The following SCFD1 variants were observed in gnomAD, a reference collection of about 807,000 sequenced individuals.
The protein encoded by SCFD1 is sec1 family domain containing 1, also known as sec1 family domain-containing protein 1.
Under a neutral mutation model 103.2 loss-of-function variants are expected in SCFD1, and 37 were observed. The ratio of observed to expected loss-of-function variants is 0.36; its 90% CI spans 0.28 to 0.47. SCFD1 has a LOEUF of 0.47. Among genes scored for constraint, SCFD1 ranks in the 20% least tolerant of loss-of-function variants. The pLI is 1.00. For missense variants in SCFD1, 639 were observed against 761.2 expected (o/e 0.84, Z 1.89); for synonymous variants, 264 against 245.0 (o/e 1.08, Z -0.73).
At chr14:30,731,634 C>CATGATTT (rs1490582028) in intron 23 of SCFD1, among the ~76,000 whole-genome samples, 9 of 152,152 alleles carry the variant, frequency 5.9e-5, no homozygotes. Flanking sequence ...GGAGTTCACT[C>CATGATTT]ATGATTTGGC....
At chr14:30,639,695 TGGTA>T (rs1406106760) in intron 5 of SCFD1, 78 bp from the exon 6 acceptor site, 3 of 1,352,644 alleles carry the variant, frequency 2.2e-6, no homozygotes, top group Non-Finnish European at 2.9e-6. Flanking sequence ...TTTCTACCAT[TGGTA>T]GGTTAGAGCA....
chr14:30,691,501 T>C (rs967125513), intron 14 of SCFD1, among the ~76,000 whole-genome samples: 3 of 152,232 alleles, frequency 2.0e-5, no homozygotes, highest in Non-Finnish European at 2.9e-5. Flanking sequence ...AGTTCTCTTA[T>C]GCAGGTTAGA....
Position 30,675,063 on chromosome 14 carries a change from A to C in SCFD1, c.1240A>C (p.Lys414Gln), listed in dbSNP as rs1249841645. Residue 414 changes from lysine to glutamine, a missense_variant and splice_region_variant, in exon 14 of 25, where the codon AAG (lysine) becomes CAG (glutamine). Physicochemically the swap from Lys to Gln is moderately conservative, Grantham distance 53. Transcript: ENST00000458591. Reference protein sequence around the residue: ...NVATAVLEHIKARKLDVYFEY... With the variant: ...NVATAVLEHIQARKLDVYFEY... ...TGCCACTGCTGTTTTAGAACATATA[A>C]AGGTAAATTTAACTTTTTCCCCCCC... 1 of 1,554,420 alleles carries C rather than the reference A, an allele frequency of 6.4e-7. No homozygotes were observed. Among genetic ancestry groups the C allele is most frequent in the Non-Finnish European group, 8.7e-7 (1 of 1,146,570 alleles).
intron 18 of SCFD1, among the ~76,000 whole-genome samples, 200 bp downstream of exon 18, chr14:30,706,085 T>C (rs1048139582): frequency 2.0e-5 from 3 of 152,086 alleles, no homozygotes; most frequent in African/African-American, 7.2e-5. Flanking sequence ...TAATTGTACA[T>C]ATTTATGGGG....
At chr14:30,684,489 T>C (rs1889771612) in intron 14 of SCFD1, among the ~76,000 whole-genome samples, 1 of 152,206 alleles carries the variant, frequency 6.6e-6, no homozygotes, top group Admixed American at 6.5e-5. Context: ...TGATATAATA[T>C]AAATTGAGGC....
chr14:30,713,376 ACG>A, intron 19 of SCFD1, among the ~76,000 whole-genome samples: 1 of 138,548 alleles, frequency 7.2e-6, no homozygotes, highest in African/African-American at 3.5e-5. Context: ...ACAAAAACAT[ACG>A]AAAGAGTTGT....
chr14:30,707,900 G>A (rs1322190297), intron 18 of SCFD1, 90 bp from the exon 19 acceptor site: 2 of 881,900 alleles, frequency 2.3e-6, no homozygotes, highest in Admixed American at 3.4e-5. Context: ...GCATCAGCAT[G>A]TGGTGTGTAA....
intron 14 of SCFD1, among the ~76,000 whole-genome samples, chr14:30,681,261 TTAAAAC>T (rs1889455502): frequency 6.7e-6 from 1 of 149,450 alleles, no homozygotes; most frequent in South Asian, 2.1e-4. Context: ...GTTGAATAAA[TTAAAAC>T]TAAGTGATTT....
At chr14:30,715,849 A>C (rs1892243808) in intron 19 of SCFD1, 75 bp from the exon 20 acceptor site, 6 of 762,794 alleles carry the variant, frequency 7.9e-6, no homozygotes, top group Non-Finnish European at 1.3e-5. Flanking sequence ...ACTTAACTGT[A>C]GAATGATCAG....
At chr14:30,672,648 C>T (rs1428064872) in intron 11 of SCFD1, among the ~76,000 whole-genome samples, 1 of 152,192 alleles carries the variant, frequency 6.6e-6, no homozygotes. Context: ...CTCATGATTG[C>T]AGATCACTTC....
intron 23 of SCFD1, among the ~76,000 whole-genome samples, chr14:30,728,992 A>C (rs1487546304): frequency 6.6e-6 from 1 of 151,944 alleles, no homozygotes; most frequent in African/African-American, 2.4e-5. Context: ...TTACAGGTGC[A>C]CACCACCATC....
intron 6 of SCFD1, 44 bp from the exon 7 acceptor site, chr14:30,643,272 A>T (rs775150348): frequency 8.4e-7 from 1 of 1,190,440 alleles, no homozygotes; most frequent in Non-Finnish European, 1.3e-6. Flanking sequence ...AAGATGAGGC[A>T]TAAGTTTGGG....
chr14:30,660,863 C>T (rs1338532063), intron 10 of SCFD1, among the ~76,000 whole-genome samples: 1 of 152,064 alleles, frequency 6.6e-6, no homozygotes, highest in Admixed American at 6.6e-5. Context: ...TGACATAACC[C>T]CATCAGTCTT....
chr14:30,674,022 G>C (rs1888797973), intron 13 of SCFD1, 25 bp downstream of exon 13: 1 of 1,558,026 alleles, frequency 6.4e-7, no homozygotes, highest in African/African-American at 1.4e-5. Flanking sequence ...TATCCTCTTT[G>C]AAGTCTTTCT....
chr14:30,728,221 A>G (rs60727186), intron 23 of SCFD1, among the ~76,000 whole-genome samples: 2,525 of 152,244 alleles, frequency 0.017, 92 homozygotes, highest in African/African-American at 0.057. Context: ...TTTGACACAC[A>G]TTCCATCATG....
intron 10 of SCFD1, among the ~76,000 whole-genome samples, chr14:30,666,920 A>C (rs1387928752): frequency 6.6e-6 from 1 of 152,136 alleles, no homozygotes. Context: ...ATAGCCTACC[A>C]ACCCAAAAAA....
chr14:30,651,661 T>A (rs1427562163), intron 9 of SCFD1, among the ~76,000 whole-genome samples: 2 of 152,078 alleles, frequency 1.3e-5, no homozygotes, highest in African/African-American at 4.8e-5. Context: ...GAAACCAGTA[T>A]AAAGGCACTG....
At chr14:30,658,802 A>G (rs988608234) in intron 10 of SCFD1, among the ~76,000 whole-genome samples, 7 of 152,212 alleles carry the variant, frequency 4.6e-5, no homozygotes, top group African/African-American at 9.7e-5. Context: ...ATATAGTTCA[A>G]GATTGATGCT....
At chr14:30,644,935 G>C (rs1885659496) in intron 7 of SCFD1, among the ~76,000 whole-genome samples, 1 of 151,928 alleles carries the variant, frequency 6.6e-6, no homozygotes, top group Admixed American at 6.6e-5. Flanking sequence ...ATGTTGTCTA[G>C]GTTTTCTTCT....
Sources: allele counts gnomAD v4.1 joint callset (sites outside exome capture counted in the v4.1 genomes callset), GRCh38; gene constraint gnomAD v4.1.1; transcripts MANE v1.5; gene names NCBI Gene and HGNC (gene_info 2026-07-23, HGNC 2026-07-21).